The following LAMA1 variants were observed in gnomAD, a reference collection of about 807,000 sequenced individuals.
LAMA1 encodes laminin subunit alpha-1.
In LAMA1, 219 loss-of-function variants were observed where a neutral mutation model predicts 348.7. That is an observed-to-expected ratio of 0.63 (90% CI 0.56 to 0.70). LAMA1 has a LOEUF of 0.70. LAMA1 is among the 30% of genes least tolerant of loss of function. The pLI is 0.00. For synonymous variants in LAMA1, 1,487 were observed against 1,491.0 expected (o/e 1.00, Z 0.06); for missense variants, 3,744 against 3,888.0 (o/e 0.96, Z 0.99).
intron 54 of LAMA1, 90 bp from the exon 55 acceptor site, chr18:6,958,752 C>T (rs902438260): frequency 8.8e-7 from 1 of 1,139,070 alleles, no homozygotes; most frequent in South Asian, 1.3e-5. Context: ...CAAGTTCTCA[C>T]TGAATAATAA....
At chr18:7,040,596 C>T (rs1178486879) in intron 9 of LAMA1, among the ~76,000 whole-genome samples, 1 of 152,200 alleles carries the variant, frequency 6.6e-6, no homozygotes, top group Non-Finnish European at 1.5e-5. Context: ...AACCTTTTGA[C>T]ACTTCTTCAA....
At chr18:6,989,129 C>T (rs2057748245) in intron 36 of LAMA1, among the ~76,000 whole-genome samples, 1 of 152,308 alleles carries the variant, frequency 6.6e-6, no homozygotes, top group East Asian at 1.9e-4. Flanking sequence ...CCAACAAAAT[C>T]CCTGGATACT....
At position 6,943,275 on chromosome 18, in the gene LAMA1, A is replaced by T; in HGVS notation, c.8972T>A (p.Leu2991Gln). 1 of 1,614,220 alleles carries T rather than the reference A, an allele frequency of 6.2e-7. No homozygotes were observed. The change falls in exon 62 of 63, where the codon CTG (leucine) becomes CAG (glutamine). Residue 2991 changes from leucine to glutamine, a missense_variant. Coordinates refer to ENST00000389658, the MANE Select transcript of LAMA1 (RefSeq NM_005559.4). ...GCCAACTGCGTTCCCGTCAACAATC[A>T]GAGTGATACGGTGTTTGCTTTTGTT... ...QANKSKHRIT[L>Q]IVDGNAVGAE...
intron 45 of LAMA1, among the ~76,000 whole-genome samples, chr18:6,975,571 C>T (rs757268713): frequency 6.6e-6 from 1 of 152,234 alleles, no homozygotes; most frequent in South Asian, 2.1e-4. Context: ...TATCGAAGAC[C>T]TTTCATAGGC....
At chr18:7,015,563 A>G (rs960205988) in intron 22 of LAMA1, among the ~76,000 whole-genome samples, 159 bp downstream of exon 22, 6 of 149,778 alleles carry the variant, frequency 4.0e-5, no homozygotes, top group African/African-American at 1.5e-4. Flanking sequence ...TACAGGTGTG[A>G]GCCACTGTGC....
chr18:6,986,011 G>A, intron 37 of LAMA1, 126 bp downstream of exon 37: 1 of 1,001,474 alleles, frequency 1.0e-6, no homozygotes. Flanking sequence ...GCCTGCCTCG[G>A]CCTCCCAAAG....
intron 53 of LAMA1, chr18:6,960,674 T>TAAAAAAA (rs1352926000): frequency 4.3e-5 from 6 of 139,778 alleles, no homozygotes; most frequent in African/African-American, 1.7e-4. Context: ...TCAGCTCAAC[T>TAAAAAAA]ACAAAAAAAA....
intron 1 of LAMA1, among the ~76,000 whole-genome samples, chr18:7,107,619 G>C (rs2058317675): frequency 6.6e-6 from 1 of 152,066 alleles, no homozygotes; most frequent in South Asian, 2.1e-4. Context: ...ATGGATGAAT[G>C]AGTGAATAAA....
intron 14 of LAMA1, among the ~76,000 whole-genome samples, chr18:7,033,851 C>T (rs1216496110): frequency 6.6e-6 from 1 of 152,096 alleles, no homozygotes; most frequent in Non-Finnish European, 1.5e-5. Flanking sequence ...TCTCATGCCT[C>T]AGCCTCCTGA....
chr18:7,058,134 T>C (rs960789837), intron 3 of LAMA1, among the ~76,000 whole-genome samples: 6 of 152,088 alleles, frequency 3.9e-5, no homozygotes, highest in African/African-American at 1.2e-4. Context: ...CATGTTCCAG[T>C]ATTTTACCAA....
chr18:7,110,462 A>AG (rs2058331360), intron 1 of LAMA1, among the ~76,000 whole-genome samples: 1 of 152,206 alleles, frequency 6.6e-6, no homozygotes, highest in Non-Finnish European at 1.5e-5. Context: ...CCTGAGCTGG[A>AG]GATAACAAGA....
rs138246370 is a variant in LAMA1 at position 7,061,537 on chromosome 18, C to T, written c.346-10601G>A. ...CCCAACTCCTAACGATTCCCTTGGC[C>T]GTTAACTATCAAGTTTTCACCTAGG... is the stretch of plus-strand genomic sequence containing the variant. On this transcript the variant is annotated intron_variant, in intron 3 of 62. Coordinates refer to ENST00000389658, the MANE Select transcript of LAMA1 (RefSeq NM_005559.4). 2.5e-4 allele frequency among the ~76,000 whole-genome samples: 38 copies of T among 152,276 alleles called. No individual in the cohort carries two copies. The East Asian group carries it at 7.3e-3, about 29-fold the overall frequency.
At chr18:6,979,695 C>T (rs565985121) in intron 42 of LAMA1, among the ~76,000 whole-genome samples, 37 of 151,982 alleles carry the variant, frequency 2.4e-4, no homozygotes, top group East Asian at 3.9e-4. Flanking sequence ...GTCAGGAGAT[C>T]GAGACCATCC....
chr18:7,068,015 G>A (rs546152526), intron 3 of LAMA1, among the ~76,000 whole-genome samples: 8 of 152,218 alleles, frequency 5.3e-5, no homozygotes, highest in Admixed American at 5.2e-4. Flanking sequence ...CACCATGCCT[G>A]GCTAATTTTG....
intron 1 of LAMA1, among the ~76,000 whole-genome samples, chr18:7,090,586 C>T (rs912873452): frequency 6.6e-6 from 1 of 152,008 alleles, no homozygotes. Flanking sequence ...CTAGCGATTC[C>T]ACCAGGCAAG....
chr18:7,023,417 C>T, intron 18 of LAMA1, 42 bp from the exon 19 acceptor site: 1 of 1,534,160 alleles, frequency 6.5e-7, no homozygotes, highest in Non-Finnish European at 9.0e-7. Context: ...AATGCAGTTA[C>T]TTAAGGCCTT....
intron 1 of LAMA1, among the ~76,000 whole-genome samples, chr18:7,081,261 G>T (rs868370984): frequency 3.7e-4 from 57 of 152,240 alleles, no homozygotes; most frequent in African/African-American, 1.3e-3. Flanking sequence ...TGTGAAACAG[G>T]CCTTAAGGGA....
In LAMA1 at chr18:7,010,299, A is replaced by G; in HGVS notation, c.3774T>C (p.Val1258=). 1 of 1,614,152 alleles carries G rather than the reference A, an allele frequency of 6.2e-7. No individual in the cohort carries two copies. The highest frequency in any genetic ancestry group is 8.5e-7 in the Non-Finnish European group (1 of 1,180,032). ...TTCTGATCCGACCACCTTTGATGAGAACTTGAGGCTCAAAATTGGAGGTGC... is the reference window on the plus strand; with the variant it reads ...TTCTGATCCGACCACCTTTGATGAGGACTTGAGGCTCAAAATTGGAGGTGC... ...GVGTSNFEPQ[V]LIKGGRIRKQ... Residue 1258 remains valine, a synonymous_variant, in exon 26 of 63, where the codon GTT becomes GTC. Transcript: ENST00000389658.
chr18:7,108,605 G>A (rs1203930465), intron 1 of LAMA1, among the ~76,000 whole-genome samples: 2 of 117,840 alleles, frequency 1.7e-5, no homozygotes, highest in East Asian at 3.1e-4. Flanking sequence ...GCAGTGAGCC[G>A]AGACCATGCC....
Sources: allele counts gnomAD v4.1 joint callset (sites outside exome capture counted in the v4.1 genomes callset), GRCh38; gene constraint gnomAD v4.1.1; transcripts MANE v1.5; gene names NCBI Gene and HGNC (gene_info 2026-07-23, HGNC 2026-07-21).